ALK: variants seen among roughly 807,000 people sequenced by gnomAD.
The protein encoded by ALK is ALK tyrosine kinase receptor.
ALK carries 74 observed loss-of-function variants against 163.1 expected under a neutral mutation model. That is an observed-to-expected ratio of 0.45 (90% CI 0.38 to 0.55). The LOEUF is 0.55. Ranked by LOEUF, ALK falls within the 20% of genes least tolerant of loss-of-function variation. ALK has a pLI of 0.00. For missense variants in ALK, 2,063 were observed against 2,105.3 expected (o/e 0.98, Z 0.39); for synonymous variants, 960 against 843.2 (o/e 1.14, Z -2.40).
chr2:29,298,050 T>C (rs887651200), intron 8 of ALK, among the ~76,000 whole-genome samples: 10 of 152,240 alleles, frequency 6.6e-5, no homozygotes, highest in Admixed American at 1.3e-4. Context: ...CTTCCAGTCC[T>C]TGATACATGG....
At chr2:29,686,071 C>T (rs1033248793) in intron 3 of ALK, among the ~76,000 whole-genome samples, 2 of 152,228 alleles carry the variant, frequency 1.3e-5, no homozygotes, top group Non-Finnish European at 2.9e-5. Context: ...CCAAGACAAT[C>T]TCATCTGCAA....
At chr2:29,424,069 G>A (rs371197349) in intron 4 of ALK, among the ~76,000 whole-genome samples, 107 of 152,104 alleles carry the variant, frequency 7.0e-4, no homozygotes, top group Middle Eastern at 6.8e-3. Flanking sequence ...ATAAATTCAC[G>A]TTACATGGGT....
chr2:29,281,435 G>A (rs1665717000), intron 9 of ALK, among the ~76,000 whole-genome samples: 1 of 152,200 alleles, frequency 6.6e-6, no homozygotes, highest in Non-Finnish European at 1.5e-5. Flanking sequence ...AACGTGGCAG[G>A]GGAGTCTCCT....
At chr2:29,539,679 A>G (rs2148164903) in intron 3 of ALK, among the ~76,000 whole-genome samples, 1 of 152,296 alleles carries the variant, frequency 6.6e-6, no homozygotes, top group East Asian at 1.9e-4. Context: ...TGAAGTGTTC[A>G]TGAAAATTGC....
intron 1 of ALK, among the ~76,000 whole-genome samples, chr2:29,855,726 C>T (rs542872498): frequency 1.4e-4 from 21 of 152,312 alleles, no homozygotes; most frequent in African/African-American, 3.1e-4. Flanking sequence ...GTTGGACAGA[C>T]GGAGACCTTG....
At chr2:29,902,914 G>C (rs1403461990) in intron 1 of ALK, among the ~76,000 whole-genome samples, 1 of 152,104 alleles carries the variant, frequency 6.6e-6, no homozygotes, top group African/African-American at 2.4e-5. Context: ...CAGTGCTTTT[G>C]ATTTTACAGT....
chr2:29,874,619 A>T (rs1261042408), intron 1 of ALK, among the ~76,000 whole-genome samples: 1 of 152,192 alleles, frequency 6.6e-6, no homozygotes, highest in Non-Finnish European at 1.5e-5. Flanking sequence ...TCAATATGCC[A>T]GGAAGAGAGA....
chr2:29,408,085 T>G (rs1295784125), intron 4 of ALK, among the ~76,000 whole-genome samples: 1 of 148,306 alleles, frequency 6.7e-6, no homozygotes, highest in African/African-American at 2.6e-5. Context: ...AAAGTTCTTT[T>G]TCTTTTTTTT....
chr2:29,665,029 C>G (rs1472440310), intron 3 of ALK, among the ~76,000 whole-genome samples: 2 of 140,942 alleles, frequency 1.4e-5, no homozygotes, highest in Non-Finnish European at 3.0e-5. Context: ...GAGACCTGCT[C>G]TCACTGTGCC....
intron 3 of ALK, among the ~76,000 whole-genome samples, chr2:29,561,130 C>T (rs1337231733): frequency 1.3e-5 from 2 of 151,838 alleles, no homozygotes; most frequent in Non-Finnish European, 2.9e-5. Flanking sequence ...ATTAATTTTA[C>T]TTATTTACTT....
At chr2:29,423,747 G>A (rs972144465) in intron 4 of ALK, among the ~76,000 whole-genome samples, 2 of 152,074 alleles carry the variant, frequency 1.3e-5, no homozygotes, top group African/African-American at 2.4e-5. Flanking sequence ...GACACTGGGG[G>A]ACCCTCCTAG....
At chr2:29,652,959 A>C (rs1677076621) in intron 3 of ALK, among the ~76,000 whole-genome samples, 2 of 152,154 alleles carry the variant, frequency 1.3e-5, no homozygotes, top group Non-Finnish European at 2.9e-5. Flanking sequence ...TCAAACCCAA[A>C]GTGGCAATGG....
At chr2:29,479,265 G>A (rs1671601485) in intron 4 of ALK, among the ~76,000 whole-genome samples, 2 of 152,198 alleles carry the variant, frequency 1.3e-5, no homozygotes, top group Admixed American at 6.5e-5. Context: ...TTCTGGGATG[G>A]CAGCAGGAGA....
At chr2:29,518,398 A>G (rs1672727460) in intron 4 of ALK, among the ~76,000 whole-genome samples, 1 of 152,234 alleles carries the variant, frequency 6.6e-6, no homozygotes, top group Non-Finnish European at 1.5e-5. Flanking sequence ...TGGGAATGTC[A>G]ATAGCAAACA....
chr2:29,784,150 T>C (rs867860335), intron 1 of ALK, among the ~76,000 whole-genome samples: 2 of 151,822 alleles, frequency 1.3e-5, no homozygotes, highest in Middle Eastern at 6.8e-3. Flanking sequence ...AGCAAGGAGA[T>C]AGAACTAAGA....
intron 3 of ALK, among the ~76,000 whole-genome samples, chr2:29,589,774 T>C (rs1200904992): frequency 6.6e-6 from 1 of 152,212 alleles, no homozygotes; most frequent in African/African-American, 2.4e-5. Context: ...CAGAATGCTA[T>C]TACCTAGATC....
intron 4 of ALK, among the ~76,000 whole-genome samples, chr2:29,474,121 T>G (rs4359598): frequency 0.82 from 124,702 of 152,166 alleles, 51,366 homozygotes; most frequent in Non-Finnish European, 0.86. Flanking sequence ...AAGGATAACC[T>G]AATTCACTGG....
chr2:29,571,695 C>T (rs1216346600), intron 3 of ALK, among the ~76,000 whole-genome samples: 1 of 140,872 alleles, frequency 7.1e-6, no homozygotes, highest in African/African-American at 2.7e-5. Context: ...TGGCTCACTG[C>T]AACCTCCGTC....
At chr2:29,758,944 C>A (rs1383763416) in intron 1 of ALK, among the ~76,000 whole-genome samples, 1 of 152,174 alleles carries the variant, frequency 6.6e-6, no homozygotes, top group Non-Finnish European at 1.5e-5. Flanking sequence ...AACAATTTGC[C>A]TTCTCTGGGA....
Sources: gnomAD v4.1 joint callset for allele counts (sites outside exome capture counted in the v4.1 genomes callset) on GRCh38, gnomAD v4.1.1 for gene constraint, MANE v1.5 for transcripts, NCBI Gene and HGNC (gene_info 2026-07-23, HGNC 2026-07-21) for gene names.